The following SLC15A2 variants were observed in gnomAD, a reference collection of about 807,000 sequenced individuals.
The protein encoded by SLC15A2 is solute carrier family 15 member 2.
In SLC15A2, 77 loss-of-function variants were observed where a neutral mutation model predicts 95.5. That is an observed-to-expected ratio of 0.81 (90% CI 0.67 to 0.97). The LOEUF is 0.97. Among genes scored for constraint, SLC15A2 ranks in the 50% least tolerant of loss-of-function variants. SLC15A2 has a pLI of 0.00. For missense variants in SLC15A2, 893 were observed against 874.4 expected, an observed-to-expected ratio of 1.02 and a Z score of -0.27; for synonymous variants, 306 against 306.9, an observed-to-expected ratio of 1.00 and a Z score of 0.03.
chr3:121,902,410 G>T (rs1709537445), intron 3 of SLC15A2, among the ~76,000 whole-genome samples: 1 of 151,948 alleles, frequency 6.6e-6, no homozygotes, highest in East Asian at 1.9e-4. Flanking sequence ...TGCACAACGT[G>T]CAGGTTTGTT....
intron 7 of SLC15A2, among the ~76,000 whole-genome samples, chr3:121,917,689 A>G (rs1401997523): frequency 6.6e-6 from 1 of 152,082 alleles, no homozygotes; most frequent in Non-Finnish European, 1.5e-5. Flanking sequence ...CCCTGTCTCA[A>G]AAATAAATAA....
chr3:121,898,321 G>T (rs932398244), intron 3 of SLC15A2, among the ~76,000 whole-genome samples: 1 of 151,710 alleles, frequency 6.6e-6, no homozygotes. Flanking sequence ...AATGTCTTTT[G>T]TAGTTTCCTT....
chr3:121,927,362 A>C (rs1882004), intron 13 of SLC15A2, among the ~76,000 whole-genome samples: 2 of 152,142 alleles, frequency 1.3e-5, no homozygotes, highest in African/African-American at 4.8e-5. Context: ...GTGAATTCTC[A>C]TGAAGGGTTT....
intron 19 of SLC15A2, among the ~76,000 whole-genome samples, chr3:121,937,687 C>A (rs894855787): frequency 1.8e-4 from 28 of 152,054 alleles, no homozygotes; most frequent in African/African-American, 6.8e-4. Context: ...TCAAAGTTTT[C>A]AATTTCTTTG....
At chr3:121,929,382 T>A in intron 17 of SLC15A2, 34 bp downstream of exon 17, 1 of 1,605,284 alleles carries the variant, frequency 6.2e-7, no homozygotes, top group Non-Finnish European at 8.5e-7. Context: ...GGCCACTCTG[T>A]TTTCTTGAAT....
chr3:121,942,745 A>AAT lies in SLC15A2; in HGVS notation c.*1740_*1741dup, dbSNP rs1710484582. The AAT allele has an allele frequency of 6.6e-6, 1 of 152,220 alleles. No individual in the cohort carries two copies. Among genetic ancestry groups the AAT allele is most frequent in the Non-Finnish European group, 1.5e-5 (1 of 68,028 alleles). The allele number at this position is 152,220 out of a possible 1,614,324, so 9.4% of individuals were successfully genotyped here. A position where few individuals can be genotyped will look rare whatever the true frequency, so the allele number is the denominator to read the frequency against. On this transcript the variant is annotated 3_prime_UTR_variant, in exon 22 of 22. Transcript: ENST00000489711. The stretch of plus-strand genomic sequence containing the variant: ...CTGTAAATAGAAGTGTCTATGGACA[A>AAT]ATAAGTTTGGGAAATGTGGCATACT...
At chr3:121,899,344 A>G (rs1036883164) in intron 3 of SLC15A2, among the ~76,000 whole-genome samples, 1 of 152,142 alleles carries the variant, frequency 6.6e-6, no homozygotes, top group Non-Finnish European at 1.5e-5. Flanking sequence ...TTATGTATGT[A>G]TCACCATCAC....
At chr3:121,927,978 A>C in intron 14 of SLC15A2, 139 bp downstream of exon 14, 1 of 658,292 alleles carries the variant, frequency 1.5e-6, no homozygotes, top group Non-Finnish European at 2.6e-6. Context: ...TATTTGTGAT[A>C]AATAAGTAGA....
chr3:121,902,924 C>T lies in SLC15A2; in HGVS notation c.335+5395C>T, dbSNP rs558796143. Among the ~76,000 whole-genome samples the T allele has an allele frequency of 9.3e-5, 14 of 151,134 alleles. No homozygotes were observed. The South Asian group carries it at 2.9e-3, about 31-fold the overall frequency. On this transcript the variant is annotated intron_variant, in intron 3 of 21. Coordinates refer to ENST00000489711, the MANE Select transcript of SLC15A2 (RefSeq NM_021082.4). The stretch of plus-strand genomic sequence containing the variant: ...GGCATTTCTAGTTCTAGATCCCTGT[C>T]TTCCACAATGGTTGAAATGGTTGAA...
At chr3:121,904,982 C>A (rs199580887) in intron 3 of SLC15A2, among the ~76,000 whole-genome samples, 2 of 152,078 alleles carry the variant, frequency 1.3e-5, no homozygotes, top group Non-Finnish European at 2.9e-5. Flanking sequence ...CTGGTCCTGG[C>A]CTTTTTTTGG....
In SLC15A2 at chr3:121,901,845, T is replaced by TTGTGTG. The variant is rs3047583; in HGVS notation, c.335+4333_335+4338dup. 1.6e-4 allele frequency among the ~76,000 whole-genome samples: 24 copies of TTGTGTG among 149,032 alleles called. 1 individual carries two copies. The highest frequency in any genetic ancestry group is 7.9e-4 in the East Asian group (4 of 5,054). On this transcript the variant is annotated intron_variant, in intron 3 of 21. Coordinates refer to ENST00000489711, the MANE Select transcript of SLC15A2 (RefSeq NM_021082.4). ...TATGTTTCTCTGCCTGAGTATGTGT[T>TTGTGTG]TGTGTGTGTGTGTGTGTGTGTGGTG... is the stretch of plus-strand genomic sequence containing the variant.
At chr3:121,906,346 C>T (rs1709644455) in intron 3 of SLC15A2, among the ~76,000 whole-genome samples, 1 of 152,198 alleles carries the variant, frequency 6.6e-6, no homozygotes, top group African/African-American at 2.4e-5. Context: ...TTGGGGCATT[C>T]AGCCCATTTA....
Position 121,913,111 on chromosome 3 carries a change from A to G in SLC15A2, c.519A>G (p.Glu173=). 1 of 1,612,562 alleles carries G rather than the reference A, an allele frequency of 6.2e-7. No individual in the cohort carries two copies. The highest frequency in any genetic ancestry group is 8.5e-7 in the Non-Finnish European group (1 of 1,178,604). Residue 173 remains glutamate (E), a synonymous_variant, in exon 5 of 22, where the codon GAA becomes GAG. Coordinates refer to ENST00000489711, the MANE Select transcript of SLC15A2 (RefSeq NM_021082.4). ...CVAAFGGDQF[E]EKHAEERTRY... ...CAGCTTTTGGTGGAGACCAGTTTGA[A>G]GAAAAACATGTAAGAATCCTGTTAT...
At chr3:121,928,915 A>G (rs1710174459) in intron 15 of SLC15A2, 67 bp from the exon 16 acceptor site, 1 of 1,538,870 alleles carries the variant, frequency 6.5e-7, no homozygotes, top group Non-Finnish European at 8.8e-7. Context: ...CTGAGATGCT[A>G]CATCGTGATG....
intron 7 of SLC15A2, 37 bp downstream of exon 7, chr3:121,915,730 G>C (rs1288342170): frequency 1.4e-6 from 2 of 1,421,180 alleles, no homozygotes; most frequent in Admixed American, 3.3e-5. Flanking sequence ...AATAATCATT[G>C]ATACCTGACA....
In SLC15A2 at chr3:121,942,705, G is replaced by A. The variant is rs1710483988; in HGVS notation, c.*1698G>A. 6.6e-6 allele frequency: 1 copy of A among 152,156 alleles called. No homozygotes were observed. Among genetic ancestry groups the A allele is most frequent in the Non-Finnish European group, 1.5e-5 (1 of 68,032 alleles). The allele number at this position is 152,156 out of a possible 1,614,324, so 9.4% of individuals were successfully genotyped here. A position where few individuals can be genotyped will look rare whatever the true frequency, so the allele number is the denominator to read the frequency against. On this transcript the variant is annotated 3_prime_UTR_variant, in exon 22 of 22. Transcript: ENST00000489711. The stretch of plus-strand genomic sequence containing the variant: ...CTGTTCTATGACCATTGTTTCAAGA[G>A]ACATTAACACAGTTCTGTAAATAGA...
At position 121,940,925 on chromosome 3, in the gene SLC15A2, A is replaced by T; in HGVS notation, c.2108A>T (p.Asp703Val). The T allele has an allele frequency of 6.2e-7, 1 of 1,614,146 alleles. No individual in the cohort carries two copies. Among genetic ancestry groups the T allele is most frequent in the Non-Finnish European group, 8.5e-7 (1 of 1,180,002 alleles). Reference protein sequence around the residue: ...GYYYVPVKTEDMRGPADKHIP... With the variant: ...GYYYVPVKTEVMRGPADKHIP... Reference sequence around the variant, plus strand: ...TACTATGTTCCTGTAAAGACAGAGGATATGCGGGGTCCAGCAGATAAGCAC... The same window carrying T: ...TACTATGTTCCTGTAAAGACAGAGGTTATGCGGGGTCCAGCAGATAAGCAC... The change falls in exon 22 of 22, where the codon GAT becomes GTT. Residue 703 changes from aspartate (D) to valine (V), a missense_variant. Coordinates refer to ENST00000489711, the MANE Select transcript of SLC15A2 (RefSeq NM_021082.4).
At position 121,911,596 on chromosome 3, in the gene SLC15A2, G is replaced by A. The variant is rs1236540448; in HGVS notation, c.358G>A (p.Val120Met). 3 of 1,613,722 alleles carry A rather than the reference G, an allele frequency of 1.9e-6. No homozygotes were observed. Among genetic ancestry groups the A allele is most frequent in the Non-Finnish European group, 2.5e-6 (3 of 1,179,822 alleles). Residue 120 changes from valine (V) to methionine (M), a missense_variant, in exon 4 of 22, where the codon GTG (valine) becomes ATG (methionine). By Grantham distance (21) the Val-to-Met change is conservative (BLOSUM62 1). Transcript: ENST00000489711. The stretch of plus-strand genomic sequence containing the variant: ...CAGGACAATCATCTATCTCTCCTTG[G>A]TGTATGTGCTTGGCCATGTGATCAA... ...KFKTIIYLSLVYVLGHVIKSL... is the reference protein window; with the variant it reads ...KFKTIIYLSLMYVLGHVIKSL...
At chr3:121,907,182 C>T (rs1709666443) in intron 3 of SLC15A2, among the ~76,000 whole-genome samples, 1 of 151,108 alleles carries the variant, frequency 6.6e-6, no homozygotes, top group Non-Finnish European at 1.5e-5. Flanking sequence ...GTTCTCGTGC[C>T]ATGGTTTTCA....
Sources: allele counts gnomAD v4.1 joint callset (sites outside exome capture counted in the v4.1 genomes callset), GRCh38; gene constraint gnomAD v4.1.1; transcripts MANE v1.5; gene names NCBI Gene and HGNC (gene_info 2026-07-23, HGNC 2026-07-21).